The following GRID2 variants were observed in gnomAD, a reference collection of about 807,000 sequenced individuals.
The protein encoded by GRID2 is glutamate ionotropic receptor delta type subunit 2.
Under a neutral mutation model 114.8 loss-of-function variants are expected in GRID2, and 33 were observed. The observed-to-expected ratio is 0.29, with a 90% CI of 0.22 to 0.38. GRID2 has a LOEUF of 0.38. Ranked by LOEUF, GRID2 falls within the 10% of genes least tolerant of loss-of-function variation. The pLI is 1.00. For missense variants in GRID2, 1,184 were observed against 1,257.7 expected, an observed-to-expected ratio of 0.94 and a Z score of 0.89; for synonymous variants, 505 against 449.9, an observed-to-expected ratio of 1.12 and a Z score of -1.55.
intron 2 of GRID2, among the ~76,000 whole-genome samples, chr4:92,885,830 G>T (rs552091453): frequency 2.0e-5 from 3 of 152,276 alleles, no homozygotes; most frequent in South Asian, 4.1e-4. Context: ...AGACTGTTTG[G>T]AAATAGCCCA....
chr4:93,346,308 T>C (rs1297741964), intron 8 of GRID2, among the ~76,000 whole-genome samples: 1 of 152,154 alleles, frequency 6.6e-6, no homozygotes, highest in African/African-American at 2.4e-5. Flanking sequence ...TTCCTATTAC[T>C]ATTACATTTT....
chr4:92,593,487 A>T (rs557881643), intron 2 of GRID2, among the ~76,000 whole-genome samples: 1 of 152,092 alleles, frequency 6.6e-6, no homozygotes, highest in Non-Finnish European at 1.5e-5. Flanking sequence ...CTTCCTTTGT[A>T]GCTTTGGCTA....
chr4:92,938,653 T>A (rs1750851004), intron 2 of GRID2, among the ~76,000 whole-genome samples: 1 of 146,408 alleles, frequency 6.8e-6, no homozygotes, highest in Non-Finnish European at 1.5e-5. Flanking sequence ...CATGTTGGCG[T>A]GCTGAATCCA....
At chr4:93,068,440 C>G (rs1728505740) in intron 2 of GRID2, among the ~76,000 whole-genome samples, 1 of 152,018 alleles carries the variant, frequency 6.6e-6, no homozygotes. Context: ...TATGTTATTA[C>G]TGCAGACAGA....
At chr4:92,864,629 A>G (rs1457651106) in intron 2 of GRID2, among the ~76,000 whole-genome samples, 1 of 152,314 alleles carries the variant, frequency 6.6e-6, no homozygotes, top group East Asian at 1.9e-4. Context: ...TGCCTTTTGT[A>G]GCCTTCCAGA....
chr4:92,525,350 AGT>A (rs1328618818), intron 1 of GRID2, among the ~76,000 whole-genome samples: 1 of 152,076 alleles, frequency 6.6e-6, no homozygotes, highest in Non-Finnish European at 1.5e-5. Context: ...TGATCATTGA[AGT>A]GGAGGCAGTC....
At chr4:93,120,083 A>C (rs1344806131) in intron 4 of GRID2, among the ~76,000 whole-genome samples, 1 of 152,224 alleles carries the variant, frequency 6.6e-6, no homozygotes, top group South Asian at 2.1e-4. Flanking sequence ...GATCATTAAA[A>C]GGCAGGAAAC....
intron 1 of GRID2, among the ~76,000 whole-genome samples, chr4:92,408,431 C>CTTTTTTTTTTTT (rs35638036): frequency 3.6e-4 from 7 of 19,424 alleles, no homozygotes; most frequent in Non-Finnish European, 6.8e-4. Context: ...TATTCAAGCT[C>CTTTTTTTTTTTT]TTTTTTTTTT....
chr4:93,377,454 T>A (rs1282225619), intron 8 of GRID2, among the ~76,000 whole-genome samples: 1 of 152,104 alleles, frequency 6.6e-6, no homozygotes, highest in Admixed American at 6.6e-5. Context: ...CAGGCTCTGG[T>A]TGAAGGACAG....
Position 93,194,308 on chromosome 4 carries a change from C to A in GRID2, c.736-13096C>A, listed in dbSNP as rs1443800772. ...CAAATAGAAAATATGTGTCATCAAA[C>A]TAATTTGTGCAAAGCTATAATTTGT... On this transcript the variant is annotated intron_variant, in intron 4 of 15. Transcript: ENST00000282020. 2.6e-5 allele frequency among the ~76,000 whole-genome samples: 4 copies of A among 152,140 alleles called. No individual in the cohort carries two copies. In the East Asian group the frequency reaches 7.7e-4, roughly 29 times the overall value.
At chr4:92,336,240 C>T (rs1315402766) in intron 1 of GRID2, among the ~76,000 whole-genome samples, 1 of 152,054 alleles carries the variant, frequency 6.6e-6, no homozygotes, top group African/African-American at 2.4e-5. Flanking sequence ...TTTCTAACCC[C>T]TTTTTCACTC....
chr4:93,484,277 C>A (rs1726160519), intron 11 of GRID2, among the ~76,000 whole-genome samples: 1 of 151,858 alleles, frequency 6.6e-6, no homozygotes, highest in South Asian at 2.1e-4. Flanking sequence ...TTTCACTCTT[C>A]CCAAAGGTAA....
intron 2 of GRID2, among the ~76,000 whole-genome samples, chr4:92,748,394 T>C (rs535096766): frequency 1.6e-3 from 250 of 152,230 alleles, no homozygotes; most frequent in African/African-American, 5.9e-3. Flanking sequence ...AGTTTCCCGC[T>C]ACTTTCCCAG....
intron 2 of GRID2, among the ~76,000 whole-genome samples, chr4:92,788,038 A>G (rs1049612838): frequency 3.9e-5 from 6 of 151,948 alleles, no homozygotes; most frequent in South Asian, 2.1e-4. Context: ...TAAACATTCC[A>G]AGAGGGTGAT....
chr4:93,042,351 A>G (rs570516507), intron 2 of GRID2, among the ~76,000 whole-genome samples: 170 of 143,912 alleles, frequency 1.2e-3, no homozygotes, highest in Admixed American at 2.6e-3. Flanking sequence ...CATTCTGCAC[A>G]TGTACCTTAG....
intron 2 of GRID2, among the ~76,000 whole-genome samples, chr4:92,792,527 T>C (rs1039920794): frequency 6.6e-6 from 1 of 151,328 alleles, no homozygotes; most frequent in Non-Finnish European, 1.5e-5. Flanking sequence ...TCTCCCTTTC[T>C]CTCTTAGCTT....
At chr4:92,711,960 A>T (rs1238389107) in intron 2 of GRID2, among the ~76,000 whole-genome samples, 1 of 152,190 alleles carries the variant, frequency 6.6e-6, no homozygotes, top group Non-Finnish European at 1.5e-5. Flanking sequence ...AATCCAGATG[A>T]TGTCTTTATC....
chr4:92,474,170 C>T (rs1470112625), intron 1 of GRID2, among the ~76,000 whole-genome samples: 6 of 152,018 alleles, frequency 3.9e-5, no homozygotes, highest in African/African-American at 1.2e-4. Flanking sequence ...AACATCTCTC[C>T]CATTTCCTAC....
At chr4:92,631,065 T>A (rs1421656787) in intron 2 of GRID2, among the ~76,000 whole-genome samples, 1 of 152,006 alleles carries the variant, frequency 6.6e-6, no homozygotes. Context: ...CTTCTCTTTT[T>A]TTCCTGTTTC....
Sources: gnomAD v4.1 joint callset for allele counts (sites outside exome capture counted in the v4.1 genomes callset) on GRCh38, gnomAD v4.1.1 for gene constraint, MANE v1.5 for transcripts, NCBI Gene and HGNC (gene_info 2026-07-23, HGNC 2026-07-21) for gene names.